The following USP2 variants were observed in gnomAD, a reference collection of about 807,000 sequenced individuals.
USP2 encodes the protein ubiquitin carboxyl-terminal hydrolase 2.
Under a neutral mutation model 72.0 loss-of-function variants are expected in USP2, and 33 were observed. The observed-to-expected ratio is 0.46, with a 90% CI of 0.35 to 0.61. The LOEUF (loss-of-function observed/expected upper bound fraction) is 0.61. Ranked by LOEUF, USP2 falls within the 20% of genes least tolerant of loss-of-function variation. USP2 has a pLI of 0.01. For missense variants in USP2, 691 were observed against 797.8 expected, an observed-to-expected ratio of 0.87 and a Z score of 1.61; for synonymous variants, 296 against 312.5, an observed-to-expected ratio of 0.95 and a Z score of 0.56.
intron 6 of USP2, 35 bp from the exon 7 acceptor site, chr11:119,358,872 G>A: frequency 1.2e-6 from 2 of 1,612,250 alleles, no homozygotes; most frequent in African/African-American, 1.3e-5. Flanking sequence ...TTGGGTCAAA[G>A]CTCAAAACTT....
intron 2 of USP2, 162 bp from the exon 3 acceptor site, chr11:119,360,396 T>C (rs912011571): frequency 1.3e-5 from 10 of 759,796 alleles, no homozygotes; most frequent in African/African-American, 8.6e-5. Context: ...GGAAAGAGGA[T>C]TGAGGAATGC....
intron 2 of USP2, among the ~76,000 whole-genome samples, chr11:119,368,935 T>C (rs1395697813): frequency 6.6e-6 from 1 of 152,124 alleles, no homozygotes; most frequent in East Asian, 1.9e-4. Context: ...GGAAGGATTG[T>C]AGGGGTTAAA....
chr11:119,359,453 C>CT (rs1950727349), intron 4 of USP2, 84 bp downstream of exon 4: 1 of 1,600,528 alleles, frequency 6.2e-7, no homozygotes, highest in African/African-American at 1.3e-5. Flanking sequence ...ATAGGAGTGT[C>CT]TAAGACACAA....
At chr11:119,363,677 G>A (rs1417246769) in intron 2 of USP2, among the ~76,000 whole-genome samples, 1 of 151,358 alleles carries the variant, frequency 6.6e-6, no homozygotes, top group Non-Finnish European at 1.5e-5. Flanking sequence ...CCACGAGTAA[G>A]CGTGCGATCA....
At chr11:119,378,488 C>T (rs1170952541) in intron 1 of USP2, among the ~76,000 whole-genome samples, 1 of 152,224 alleles carries the variant, frequency 6.6e-6, no homozygotes, top group South Asian at 2.1e-4. Context: ...CTTGCCTCCC[C>T]TGGCAGGGGG....
rs577369116 is a variant in USP2 at position 119,363,154 on chromosome 11, G to A, written c.775-2920C>T. On this transcript the variant is annotated intron_variant, in intron 2 of 12. Transcript: ENST00000260187. ...GTGGCCCTGGCACGGGGCAGGGCACGCACTGCCAGCACGGGAGCTGGTGCC... is the reference window on the plus strand; with the variant it reads ...GTGGCCCTGGCACGGGGCAGGGCACACACTGCCAGCACGGGAGCTGGTGCC... 2.0e-5 allele frequency among the ~76,000 whole-genome samples: 3 copies of A among 152,324 alleles called. No homozygotes were observed. The East Asian group carries it at 5.8e-4, about 29-fold the overall frequency.
In USP2 at chr11:119,373,028, G is replaced by A. The variant is rs1240370927; in HGVS notation, c.453C>T (p.Ser151=). The A allele has an allele frequency of 1.9e-6, 3 of 1,613,784 alleles. No homozygotes were observed. The highest frequency in any genetic ancestry group is 2.7e-5 in the African/African-American group (2 of 74,948). Residue 151 remains serine (S), a synonymous_variant, in exon 2 of 13, where the codon TCC becomes TCT. Coordinates refer to ENST00000260187, the MANE Select transcript of USP2 (RefSeq NM_004205.5). ...DSQSDLARDF[S]SLRTSDSYRI... ...GGTAGCTATCTGAGGTCCGGAGGCT[G>A]GAGAAATCCCGGGCCAGGTCTGATT...
At position 119,372,859 on chromosome 11, in the gene USP2, C is replaced by T. The variant is rs1227621234; in HGVS notation, c.622G>A (p.Ala208Thr). The T allele has an allele frequency of 3.7e-6, 6 of 1,607,424 alleles. No homozygotes were observed. The highest frequency in any genetic ancestry group is 1.1e-5 in the South Asian group (1 of 90,096). ...GGGGCCTGGGAGGGCACCTGAGATG[C>T]ACTGCCCTTGCGACCATAGTTCTCC... ...YLENYGRKGS[A>T]SQVPSQAPPS... The change falls in exon 2 of 13, where the codon GCA becomes ACA. Residue 208 changes from alanine to threonine, a missense_variant. Ala to Thr is a moderately conservative substitution (Grantham distance 58). Transcript: ENST00000260187.
At chr11:119,358,351 C>T in intron 7 of USP2, 99 bp from the exon 8 acceptor site, 2 of 1,153,836 alleles carry the variant, frequency 1.7e-6, no homozygotes, top group Admixed American at 4.1e-5. Flanking sequence ...GAGTTTTGCT[C>T]TGTCCCCCAG....
Position 119,381,480 on chromosome 11 carries a change from T to G in USP2, c.-49A>C. On this transcript the variant is annotated 5_prime_UTR_variant, in exon 1 of 13. Coordinates refer to ENST00000260187, the MANE Select transcript of USP2 (RefSeq NM_004205.5). The stretch of plus-strand genomic sequence containing the variant: ...CCGACAGGTGGCACGTACCTGCCTC[T>G]TCTTGGAGTATGGACGAGTCGAACC... 1.3e-6 allele frequency: 2 copies of G among 1,536,132 alleles called. No homozygotes were observed. Among genetic ancestry groups the G allele is most frequent in the Non-Finnish European group, 1.7e-6 (2 of 1,146,882 alleles).
intron 1 of USP2, among the ~76,000 whole-genome samples, chr11:119,374,634 T>C (rs1950976725): frequency 6.6e-6 from 1 of 152,172 alleles, no homozygotes; most frequent in African/African-American, 2.4e-5. Flanking sequence ...TTAGGGTCAG[T>C]TGGGGACCCC....
intron 2 of USP2, among the ~76,000 whole-genome samples, chr11:119,364,907 C>G (rs1162551220): frequency 1.3e-5 from 2 of 152,168 alleles, no homozygotes; most frequent in Admixed American, 1.3e-4. Flanking sequence ...CTCCGGCTCT[C>G]CCATTCTCAA....
chr11:119,373,160 G>A lies in USP2; in HGVS notation c.321C>T (p.Leu107=), dbSNP rs758314438. The A allele has an allele frequency of 1.9e-6, 3 of 1,614,154 alleles. No individual in the cohort carries two copies. The highest frequency in any genetic ancestry group is 2.5e-6 in the Non-Finnish European group (3 of 1,180,032). Residue 107 remains leucine, a synonymous_variant, in exon 2 of 13, where the codon CTC becomes CTT. Transcript: ENST00000260187. The stretch of plus-strand genomic sequence containing the variant: ...CATAAGGGAATCCGCTGCCCCCGCT[G>A]AGGCCACTGCCTAAAGGCCGCTCAG... The part of the protein sequence containing the change: ...RGTERPLGSG[L]SGGSGFPYGV...
At position 119,372,833 on chromosome 11, in the gene USP2, A is replaced by G; in HGVS notation, c.648T>C (p.Pro216=). ...TGATGATTTCAGGGACTCGTGAGGGAGGGGCCTGGGAGGGCACCTGAGATG... is the reference window on the plus strand; with the variant it reads ...TGATGATTTCAGGGACTCGTGAGGGGGGGGCCTGGGAGGGCACCTGAGATG... ...GSASQVPSQA[P]PSRVPEIISP... Residue 216 remains proline (P), a synonymous_variant, in exon 2 of 13, where the codon CCT becomes CCC. Coordinates refer to ENST00000260187, the MANE Select transcript of USP2 (RefSeq NM_004205.5). 3.7e-6 allele frequency: 6 copies of G among 1,608,042 alleles called. No individual in the cohort carries two copies. The highest frequency in any genetic ancestry group is 5.1e-6 in the Non-Finnish European group (6 of 1,177,542).
intron 7 of USP2, 111 bp downstream of exon 7, chr11:119,358,662 A>G: frequency 7.7e-7 from 1 of 1,293,706 alleles, no homozygotes; most frequent in African/African-American, 1.5e-5. Flanking sequence ...TTTGTTGAAC[A>G]CTAGGCAGAA....
At position 119,359,246 on chromosome 11, in the gene USP2, C is replaced by T. The variant is rs770766305; in HGVS notation, c.1046G>A (p.Arg349His). The T allele has an allele frequency of 8.7e-6, 14 of 1,613,928 alleles. No homozygotes were observed. Among genetic ancestry groups the T allele is most frequent in the Non-Finnish European group, 1.1e-5 (13 of 1,179,936 alleles). ...AGGCCCTTACTTATAGCCAACAAAG[C>T]GCGGTGCGTATCTCTGGATCTGGGT... is the stretch of plus-strand genomic sequence containing the variant. ...FKTQIQRYAP[R>H]FVGYNQQDAQ... is the part of the protein sequence containing the mutation. The change falls in exon 5 of 13, where the codon CGC (arginine) becomes CAC (histidine). Residue 349 changes from arginine to histidine, a missense_variant. Coordinates refer to ENST00000260187, the MANE Select transcript of USP2 (RefSeq NM_004205.5).
chr11:119,369,291 C>CGCCCCT lies in USP2; in HGVS notation c.774+3410_774+3415dup, dbSNP rs900890227. On this transcript the variant is annotated intron_variant, in intron 2 of 12. Coordinates refer to ENST00000260187, the MANE Select transcript of USP2 (RefSeq NM_004205.5). ...AATTTATGTGGCGCCCCCTGCCACC[C>CGCCCCT]GCCCCTGCCCCCCGCCAGCTCTGTG... 3.3e-5 allele frequency among the ~76,000 whole-genome samples: 5 copies of CGCCCCT among 152,000 alleles called. 1 individual carries two copies. The highest frequency in any genetic ancestry group is 1.3e-4 in the Admixed American group (2 of 15,266).
chr11:119,370,003 C>A (rs1028389212), intron 2 of USP2, among the ~76,000 whole-genome samples: 1 of 152,120 alleles, frequency 6.6e-6, no homozygotes, highest in Non-Finnish European at 1.5e-5. Flanking sequence ...TGGTGAAACC[C>A]CGTCTCTACT....
intron 2 of USP2, chr11:119,363,740 G>C (rs1461935716): frequency 2.5e-6 from 2 of 801,836 alleles, no homozygotes; most frequent in Non-Finnish European, 3.5e-6. Context: ...AGGGGTGGGG[G>C]CTGGGAAGAA....
Sources: gnomAD v4.1 joint callset for allele counts (sites outside exome capture counted in the v4.1 genomes callset) on GRCh38, gnomAD v4.1.1 for gene constraint, MANE v1.5 for transcripts, NCBI Gene and HGNC (gene_info 2026-07-23, HGNC 2026-07-21) for gene names.